The following NTM variants were observed in gnomAD, a reference collection of about 807,000 sequenced individuals.
NTM encodes the protein neurotrimin.
NTM carries 13 observed loss-of-function variants against 42.1 expected under a neutral mutation model. The ratio of observed to expected loss-of-function variants is 0.31; its 90% CI spans 0.20 to 0.49. The LOEUF (loss-of-function observed/expected upper bound fraction) is 0.49. NTM is among the 20% of genes least tolerant of loss of function. The pLI, the probability that NTM is intolerant of heterozygous loss-of-function variation, is 0.99. For missense variants in NTM, 373 were observed against 452.8 expected, an observed-to-expected ratio of 0.82 and a Z score of 1.60; for synonymous variants, 187 against 179.2, an observed-to-expected ratio of 1.04 and a Z score of -0.35.
intron 1 of NTM, among the ~76,000 whole-genome samples, chr11:131,465,382 A>G (rs1305046410): frequency 6.6e-6 from 1 of 152,122 alleles, no homozygotes; most frequent in Non-Finnish European, 1.5e-5. Flanking sequence ...GAATCACACT[A>G]CAATCTGAGA....
intron 1 of NTM, among the ~76,000 whole-genome samples, chr11:131,879,201 G>A (rs1452436718): frequency 1.3e-5 from 2 of 152,030 alleles, no homozygotes; most frequent in Admixed American, 6.5e-5. Context: ...AAATGACCTC[G>A]AACCTGGATC....
At chr11:132,310,289 C>T (rs905786307) in intron 6 of NTM, 57 bp downstream of exon 6, 2 of 1,502,718 alleles carry the variant, frequency 1.3e-6, no homozygotes, top group African/African-American at 2.9e-5. Context: ...AGAAACTTTT[C>T]CAGGGTCCTG....
chr11:131,390,317 C>T (rs115429888), intron 1 of NTM, among the ~76,000 whole-genome samples: 3,310 of 152,172 alleles, frequency 0.022, 110 homozygotes, highest in African/African-American at 0.076. Context: ...GGATCTGCCC[C>T]CACGACCCGA....
intron 4 of NTM, among the ~76,000 whole-genome samples, chr11:132,263,008 G>A (rs1231475093): frequency 2.0e-5 from 3 of 152,152 alleles, no homozygotes; most frequent in Non-Finnish European, 2.9e-5. Flanking sequence ...GAAAGAAGGG[G>A]CAACGGTTCC....
chr11:131,460,947 A>C (rs11222644), intron 1 of NTM, among the ~76,000 whole-genome samples: 11,181 of 152,292 alleles, frequency 0.073, 990 homozygotes, highest in East Asian at 0.22. Flanking sequence ...AAGTTGAACA[A>C]GGTGACCTTA....
At chr11:132,202,256 C>A (rs1040369464) in intron 3 of NTM, among the ~76,000 whole-genome samples, 18 of 152,248 alleles carry the variant, frequency 1.2e-4, no homozygotes, top group African/African-American at 4.3e-4. Flanking sequence ...GGGAATCATG[C>A]CTTAGGAGTT....
intron 2 of NTM, among the ~76,000 whole-genome samples, chr11:132,048,811 CTTTTTTCT>C (rs1390876607): frequency 1.0e-5 from 1 of 99,390 alleles, no homozygotes; most frequent in Non-Finnish European, 1.9e-5. Flanking sequence ...TTTTTCTTTT[CTTTTTTCT>C]TTTTTTTTTT....
intron 4 of NTM, among the ~76,000 whole-genome samples, chr11:132,301,223 G>A (rs971529901): frequency 2.2e-4 from 33 of 152,164 alleles, no homozygotes; most frequent in Admixed American, 5.9e-4. Flanking sequence ...AGTGCCCAGC[G>A]AAGTGGGAAG....
intron 2 of NTM, among the ~76,000 whole-genome samples, chr11:131,971,471 G>T (rs2063519229): frequency 6.6e-6 from 1 of 152,064 alleles, no homozygotes; most frequent in Non-Finnish European, 1.5e-5. Flanking sequence ...TTACTTCTCA[G>T]TTGCAGATAT....
intron 1 of NTM, among the ~76,000 whole-genome samples, chr11:131,500,514 A>T: frequency 6.8e-6 from 1 of 146,900 alleles, no homozygotes; most frequent in African/African-American, 2.5e-5. Flanking sequence ...AGGTGAAGTC[A>T]TTTGCTTCAG....
At chr11:132,077,685 A>G (rs1462123313) in intron 2 of NTM, among the ~76,000 whole-genome samples, 1 of 152,252 alleles carries the variant, frequency 6.6e-6, no homozygotes, top group Non-Finnish European at 1.5e-5. Flanking sequence ...TGTTTACCAG[A>G]CAGTGGTCTC....
rs186322308 is a variant in NTM, at chr11:131,639,515, C to T, written c.82+268627C>T. 3.3e-3 allele frequency among the ~76,000 whole-genome samples: 503 copies of T among 152,314 alleles called. 4 individuals carry two copies. The highest frequency in any genetic ancestry group is 0.011 in the African/African-American group (477 of 41,566). On this transcript the variant is annotated intron_variant, in intron 1 of 8. Coordinates refer to ENST00000683400, the MANE Select transcript of NTM (RefSeq NM_001352005.2). ...CCTACCTCGTAGGTCAGATATAGTT[C>T]TGCATAGTTGGGAACTGCAAGACCT...
chr11:131,610,192 A>G (rs2061354284), intron 1 of NTM, among the ~76,000 whole-genome samples: 1 of 152,206 alleles, frequency 6.6e-6, no homozygotes, highest in Admixed American at 6.5e-5. Flanking sequence ...AAGCAAAGAA[A>G]CAAAACTAGG....
chr11:131,404,581 G>A (rs993004331), intron 1 of NTM, among the ~76,000 whole-genome samples: 1 of 152,090 alleles, frequency 6.6e-6, no homozygotes, highest in African/African-American at 2.4e-5. Flanking sequence ...TCACTGCCCA[G>A]ACCTTCCCCA....
At chr11:131,672,544 C>T (rs2070519114) in intron 1 of NTM, among the ~76,000 whole-genome samples, 1 of 152,212 alleles carries the variant, frequency 6.6e-6, no homozygotes, top group African/African-American at 2.4e-5. Flanking sequence ...CTGGCCTCTT[C>T]CTATTCACCC....
chr11:131,611,477 G>A (rs559410162), intron 1 of NTM, among the ~76,000 whole-genome samples: 127 of 152,232 alleles, frequency 8.3e-4, no homozygotes, highest in African/African-American at 2.8e-3. Flanking sequence ...CTGCCTCTCC[G>A]GCTCCTCTGT....
intron 1 of NTM, among the ~76,000 whole-genome samples, chr11:131,500,162 C>G (rs1303153721): frequency 3.3e-5 from 5 of 152,174 alleles, no homozygotes; most frequent in South Asian, 4.1e-4. Context: ...AGCAGAAGTT[C>G]TCTCTCATTT....
chr11:132,112,808 C>T (rs1280065944), intron 2 of NTM, among the ~76,000 whole-genome samples: 1 of 152,002 alleles, frequency 6.6e-6, no homozygotes, highest in Non-Finnish European at 1.5e-5. Flanking sequence ...TGATCAAATG[C>T]ACCCCTGGGC....
chr11:131,997,142 A>G (rs2068208471), intron 2 of NTM, among the ~76,000 whole-genome samples: 1 of 152,126 alleles, frequency 6.6e-6, no homozygotes, highest in African/African-American at 2.4e-5. Flanking sequence ...ATATTCTCTG[A>G]GGTCTAAAGT....
Sources: allele counts gnomAD v4.1 joint callset (sites outside exome capture counted in the v4.1 genomes callset), GRCh38; gene constraint gnomAD v4.1.1; transcripts MANE v1.5; gene names NCBI Gene and HGNC (gene_info 2026-07-23, HGNC 2026-07-21).